CERS6: variants seen among roughly 807,000 people sequenced by gnomAD.
The protein encoded by CERS6 is ceramide synthase 6.
A neutral mutation model predicts 56.8 loss-of-function variants in CERS6; 26 were observed. The observed-to-expected ratio is 0.46, with a 90% CI of 0.34 to 0.63. CERS6 has a LOEUF of 0.63. Ranked by LOEUF, CERS6 falls within the 30% of genes least tolerant of loss-of-function variation. The pLI is 0.01. For synonymous variants in CERS6, 164 were observed against 173.3 expected, an observed-to-expected ratio of 0.95 and a Z score of 0.42; for missense variants, 415 against 467.5, an observed-to-expected ratio of 0.89 and a Z score of 1.04.
At position 168,775,021 on chromosome 2, in the gene CERS6, G is replaced by C. The variant is rs1684970516; in HGVS notation, c.*5359G>C. On this transcript the variant is annotated 3_prime_UTR_variant, in exon 10 of 10. Coordinates refer to ENST00000305747, the MANE Select transcript of CERS6 (RefSeq NM_203463.3). ...TTATGTATTGTTATTGTGTTTTGCT[G>C]ATTTTTATATGAAAATATAATTATT... 1 of 152,158 alleles carries C rather than the reference G, an allele frequency of 6.6e-6. No homozygotes were observed. Among genetic ancestry groups the C allele is most frequent in the South Asian group, 2.1e-4 (1 of 4,828 alleles). 9.4% of individuals were successfully genotyped at this position (152,158 alleles called of 1,614,324 possible).
intron 3 of CERS6, among the ~76,000 whole-genome samples, chr2:168,605,175 A>T (rs973612658): frequency 6.6e-6 from 1 of 152,226 alleles, no homozygotes; most frequent in Non-Finnish European, 1.5e-5. Flanking sequence ...TGAGGAACTT[A>T]TTGGGAACTG....
At chr2:168,712,279 G>T (rs1559063069) in intron 6 of CERS6, among the ~76,000 whole-genome samples, 1 of 152,132 alleles carries the variant, frequency 6.6e-6, no homozygotes, top group East Asian at 1.9e-4. Flanking sequence ...GTTCAGCTTG[G>T]CTGAACATCC....
intron 4 of CERS6, among the ~76,000 whole-genome samples, chr2:168,664,532 G>T (rs1685709221): frequency 2.0e-5 from 3 of 152,176 alleles, no homozygotes; most frequent in Admixed American, 1.3e-4. Flanking sequence ...AGACAGAGCA[G>T]CCCCAAGGGC....
chr2:168,531,838 G>T (rs1385156460), intron 1 of CERS6, among the ~76,000 whole-genome samples: 1 of 151,388 alleles, frequency 6.6e-6, no homozygotes, highest in Non-Finnish European at 1.5e-5. Flanking sequence ...AAAAAAAAAG[G>T]TCAGTGACCA....
intron 3 of CERS6, among the ~76,000 whole-genome samples, chr2:168,613,332 T>C (rs115170779): frequency 1.3e-3 from 191 of 152,102 alleles, no homozygotes; most frequent in African/African-American, 4.5e-3. Flanking sequence ...AGTGGGTGAG[T>C]TCACCTAGCA....
chr2:168,525,753 CA>C (rs1236275486), intron 1 of CERS6, among the ~76,000 whole-genome samples: 1 of 152,206 alleles, frequency 6.6e-6, no homozygotes, highest in Non-Finnish European at 1.5e-5. Context: ...CCTTTTCTTA[CA>C]ATTATCACAC....
At chr2:168,617,339 C>T (rs972164974) in intron 3 of CERS6, among the ~76,000 whole-genome samples, 8 of 151,896 alleles carry the variant, frequency 5.3e-5, no homozygotes, top group Non-Finnish European at 1.2e-4. Flanking sequence ...GTAGCAAGAA[C>T]AAACCAAACC....
At chr2:168,653,236 T>G (rs985195082) in intron 4 of CERS6, among the ~76,000 whole-genome samples, 40 of 152,186 alleles carry the variant, frequency 2.6e-4, no homozygotes, top group African/African-American at 9.7e-4. Flanking sequence ...TTTTTCCAAT[T>G]GAAACCCTGA....
At chr2:168,729,901 C>A (rs1683470971) in intron 8 of CERS6, among the ~76,000 whole-genome samples, 1 of 152,210 alleles carries the variant, frequency 6.6e-6, no homozygotes, top group Non-Finnish European at 1.5e-5. Flanking sequence ...TGTGAGCCTG[C>A]TGTGCATCAG....
chr2:168,584,315 C>T (rs1167284265), intron 3 of CERS6, among the ~76,000 whole-genome samples: 3 of 152,114 alleles, frequency 2.0e-5, no homozygotes, highest in Middle Eastern at 3.2e-3. Context: ...TTGCTGTTTG[C>T]GTGATACCCC....
intron 4 of CERS6, among the ~76,000 whole-genome samples, chr2:168,668,626 AT>A (rs1032017700): frequency 6.6e-6 from 1 of 151,234 alleles, no homozygotes; most frequent in East Asian, 1.9e-4. Context: ...ATTTTTCTTA[AT>A]TTTTTTAGTA....
intron 4 of CERS6, among the ~76,000 whole-genome samples, chr2:168,656,226 A>G (rs143481568): frequency 6.0e-4 from 91 of 152,348 alleles, no homozygotes; most frequent in African/African-American, 1.8e-3. Context: ...ATGTGTTACT[A>G]TCTAGAAGGG....
intron 1 of CERS6, among the ~76,000 whole-genome samples, chr2:168,485,035 A>T (rs1445055344): frequency 6.6e-6 from 1 of 152,158 alleles, no homozygotes; most frequent in African/African-American, 2.4e-5. Flanking sequence ...GTGGTTTTCT[A>T]TTTCAGCTGT....
chr2:168,644,297 A>G, intron 4 of CERS6: 4 of 984,712 alleles, frequency 4.1e-6, no homozygotes, highest in Non-Finnish European at 4.8e-6. Context: ...TGAAGAAAGG[A>G]GGTGAAGGGG....
intron 1 of CERS6, among the ~76,000 whole-genome samples, chr2:168,535,287 A>G (rs1379313245): frequency 1.3e-5 from 2 of 152,216 alleles, no homozygotes; most frequent in South Asian, 2.1e-4. Flanking sequence ...CTGAAGGGCT[A>G]TTGAGAATCC....
chr2:168,744,235 G>T (rs1365374013), intron 8 of CERS6, among the ~76,000 whole-genome samples: 1 of 151,920 alleles, frequency 6.6e-6, no homozygotes, highest in African/African-American at 2.4e-5. Context: ...TCTATCTCCT[G>T]ACCTCATGAT....
intron 4 of CERS6, among the ~76,000 whole-genome samples, chr2:168,666,148 A>G (rs1184704403): frequency 6.6e-6 from 1 of 152,180 alleles, no homozygotes; most frequent in East Asian, 1.9e-4. Context: ...TTGATGAGCC[A>G]ATATTAAAAC....
intron 8 of CERS6, among the ~76,000 whole-genome samples, chr2:168,721,500 ACT>A (rs1331131060): frequency 6.7e-6 from 1 of 149,002 alleles, no homozygotes; most frequent in Non-Finnish European, 1.5e-5. Flanking sequence ...TTACATTGTA[ACT>A]CTAACTTTTT....
chr2:168,750,009 G>C (rs1684216716), intron 8 of CERS6, among the ~76,000 whole-genome samples: 1 of 152,190 alleles, frequency 6.6e-6, no homozygotes, highest in Non-Finnish European at 1.5e-5. Context: ...GTAGTAACTT[G>C]GGTCTTCAGG....
Sources: gnomAD v4.1 joint callset for allele counts (sites outside exome capture counted in the v4.1 genomes callset) on GRCh38, gnomAD v4.1.1 for gene constraint, MANE v1.5 for transcripts, NCBI Gene and HGNC (gene_info 2026-07-23, HGNC 2026-07-21) for gene names.